The following ANKRD11 variants were observed in gnomAD, a reference collection of about 807,000 sequenced individuals.
ANKRD11 encodes the protein ankyrin repeat domain 11.
ANKRD11 carries 17 observed loss-of-function variants against 195.7 expected under a neutral mutation model. That is an observed-to-expected ratio of 0.09 (90% CI 0.06 to 0.13). ANKRD11 has a LOEUF of 0.13. Ranked by LOEUF, ANKRD11 falls within the 10% of genes least tolerant of loss-of-function variation. ANKRD11 has a pLI of 1.00. For synonymous variants in ANKRD11, 1,953 were observed against 1,528.1 expected, an observed-to-expected ratio of 1.28 and a Z score of -6.49; for missense variants, 3,735 against 3,566.1, an observed-to-expected ratio of 1.05 and a Z score of -1.21.
At chr16:89,356,469 G>A (rs1001513455) in intron 2 of ANKRD11, among the ~76,000 whole-genome samples, 4 of 151,992 alleles carry the variant, frequency 2.6e-5, no homozygotes, top group Non-Finnish European at 5.9e-5. Flanking sequence ...TCCAATGTCA[G>A]CTCTATAAAG....
At chr16:89,286,459 T>C in intron 7 of ANKRD11, 1 of 577,994 alleles carries the variant, frequency 1.7e-6, no homozygotes, top group East Asian at 3.7e-5. Context: ...CTGCCTCCTT[T>C]GGATTTTTTT....
chr16:89,448,216 A>G (rs2043895956), intron 1 of ANKRD11, among the ~76,000 whole-genome samples: 1 of 145,692 alleles, frequency 6.9e-6, no homozygotes, highest in Admixed American at 7.1e-5. Flanking sequence ...CACTGGGCAC[A>G]GGAATTCAGT....
At chr16:89,275,069 C>CCCTG (rs748645496) in intron 10 of ANKRD11, 24 bp downstream of exon 10, 22 of 1,612,508 alleles carry the variant, frequency 1.4e-5, no homozygotes, top group Non-Finnish European at 1.9e-5. Context: ...CGTGGCGCCC[C>CCCTG]CCTGCCTGTG....
At chr16:89,475,256 G>A (rs2057218477) in intron 1 of ANKRD11, among the ~76,000 whole-genome samples, 1 of 152,204 alleles carries the variant, frequency 6.6e-6, no homozygotes, top group Admixed American at 6.5e-5. Flanking sequence ...AAGCTGGAGG[G>A]ACAAGAAAAT....
chr16:89,446,014 A>C (rs75768612), intron 1 of ANKRD11, among the ~76,000 whole-genome samples: 19 of 151,840 alleles, frequency 1.3e-4, no homozygotes, highest in East Asian at 5.8e-4. Context: ...AAAAAAAAAA[A>C]AAAAAACCAG....
chr16:89,304,543 C>T (rs542350876), intron 4 of ANKRD11, among the ~76,000 whole-genome samples: 2 of 151,356 alleles, frequency 1.3e-5, no homozygotes, highest in East Asian at 3.9e-4. Flanking sequence ...TGGGTACACA[C>T]AAGCACATAC....
intron 1 of ANKRD11, among the ~76,000 whole-genome samples, chr16:89,442,021 G>C (rs1027397109): frequency 6.6e-6 from 1 of 152,154 alleles, no homozygotes; most frequent in Non-Finnish European, 1.5e-5. Context: ...CAAAATCAGG[G>C]TTAGCTGTGA....
intron 1 of ANKRD11, among the ~76,000 whole-genome samples, chr16:89,419,004 C>G (rs112606596): frequency 0.011 from 1,663 of 152,198 alleles, 28 homozygotes; most frequent in African/African-American, 0.038. Context: ...TTACAGGCGT[C>G]AGCCACCATG....
intron 1 of ANKRD11, among the ~76,000 whole-genome samples, chr16:89,460,634 G>C (rs1361212442): frequency 1.3e-5 from 2 of 152,192 alleles, no homozygotes; most frequent in African/African-American, 4.8e-5. Context: ...CACTATGGAA[G>C]GTTGAAGCAG....
At chr16:89,450,665 T>C (rs2044029267) in intron 1 of ANKRD11, among the ~76,000 whole-genome samples, 1 of 152,130 alleles carries the variant, frequency 6.6e-6, no homozygotes. Flanking sequence ...TCTCAAAACA[T>C]TCTATTTTAC....
At chr16:89,420,853 T>C (rs2042482151) in intron 1 of ANKRD11, among the ~76,000 whole-genome samples, 1 of 152,170 alleles carries the variant, frequency 6.6e-6, no homozygotes. Context: ...AGTAAAGACA[T>C]TTTCTAAGGT....
chr16:89,443,275 A>C (rs1047294564), intron 1 of ANKRD11: 1 of 152,182 alleles, frequency 6.6e-6, no homozygotes, highest in Non-Finnish European at 1.5e-5. Context: ...TCAAATGTGA[A>C]GTATTTCAAA....
intron 2 of ANKRD11, among the ~76,000 whole-genome samples, chr16:89,353,713 C>T (rs2039328409): frequency 6.6e-6 from 1 of 152,200 alleles, no homozygotes; most frequent in African/African-American, 2.4e-5. Flanking sequence ...CTCCTGACCT[C>T]AGCTGATCCG....
intron 1 of ANKRD11, among the ~76,000 whole-genome samples, chr16:89,462,795 A>G (rs1445172459): frequency 2.2e-5 from 3 of 139,086 alleles, no homozygotes; most frequent in African/African-American, 8.3e-5. Context: ...CTGCCCGGCA[A>G]CCACCCCGTC....
chr16:89,318,935 T>G (rs182716008), intron 2 of ANKRD11, among the ~76,000 whole-genome samples: 11 of 152,246 alleles, frequency 7.2e-5, no homozygotes, highest in Admixed American at 5.2e-4. Flanking sequence ...AATTTTACAT[T>G]CTCTTCCAAT....
At chr16:89,286,382 C>A in intron 7 of ANKRD11, 196 bp from the exon 8 acceptor site, 2 of 796,758 alleles carry the variant, frequency 2.5e-6, no homozygotes, top group Non-Finnish European at 4.0e-6. Flanking sequence ...GGCTGTGGCT[C>A]CTCTGTGGGA....
At chr16:89,321,766 A>G (rs1029935884) in intron 2 of ANKRD11, among the ~76,000 whole-genome samples, 8 of 152,122 alleles carry the variant, frequency 5.3e-5, no homozygotes, top group Admixed American at 5.2e-4. Context: ...ATGTAAGCAG[A>G]GCTGACCATG....
intron 1 of ANKRD11, among the ~76,000 whole-genome samples, chr16:89,427,518 C>T (rs868770156): frequency 3.9e-5 from 6 of 152,192 alleles, no homozygotes; most frequent in African/African-American, 1.4e-4. Context: ...TGTCTAGGGG[C>T]CGGGGTGGTG....
At chr16:89,393,468 C>T (rs1320264852) in intron 2 of ANKRD11, among the ~76,000 whole-genome samples, 10 of 148,246 alleles carry the variant, frequency 6.7e-5, no homozygotes, top group African/African-American at 2.5e-4. Context: ...GGATTACAGG[C>T]GTGTGCCACC....
Sources: allele counts gnomAD v4.1 joint callset (sites outside exome capture counted in the v4.1 genomes callset), GRCh38; gene constraint gnomAD v4.1.1; transcripts MANE v1.5; gene names NCBI Gene and HGNC (gene_info 2026-07-23, HGNC 2026-07-21).